Variants in CHODL observed in about 807,000 individuals in gnomAD.
CHODL encodes the protein transmembrane protein MT75.
CHODL carries 29 observed loss-of-function variants against 34.5 expected under a neutral mutation model. That is an observed-to-expected ratio of 0.84 (90% CI 0.63 to 1.15). The LOEUF (loss-of-function observed/expected upper bound fraction) is 1.15, where lower values mean the gene tolerates loss of function less well. CHODL is among the 50% of genes most tolerant of loss of function. The probability of loss-of-function intolerance (pLI) is 0.00; values close to 1 mark genes in which losing one functional copy is unlikely to be tolerated. For synonymous variants in CHODL, 125 were observed against 116.1 expected, an observed-to-expected ratio of 1.08 and a Z score of -0.49; for missense variants, 332 against 332.5, an observed-to-expected ratio of 1.00 and a Z score of 0.01.
At chr21:18,111,801 C>T (rs1335281713) in intron 2 of CHODL, among the ~76,000 whole-genome samples, 1 of 152,148 alleles carries the variant, frequency 6.6e-6, no homozygotes, top group African/African-American at 2.4e-5. Context: ...ACCAATATAT[C>T]TTAGCTTAGC....
At chr21:18,051,253 G>A (rs1838711) in intron 2 of CHODL, among the ~76,000 whole-genome samples, 95,402 of 151,674 alleles carry the variant, frequency 0.63, 31,060 homozygotes, top group African/African-American at 0.73. Flanking sequence ...TGCAAAGGAC[G>A]TGAACTCATC....
chr21:17,935,636 T>C (rs1315439113), intron 1 of CHODL, among the ~76,000 whole-genome samples: 1 of 152,242 alleles, frequency 6.6e-6, no homozygotes, highest in Non-Finnish European at 1.5e-5. Context: ...AAATTAGATA[T>C]ATAGATGACA....
intron 1 of CHODL, among the ~76,000 whole-genome samples, chr21:17,928,321 T>C (rs553196515): frequency 7.9e-4 from 120 of 152,258 alleles, no homozygotes; most frequent in Non-Finnish European, 1.2e-3. Context: ...ACAGTATAGA[T>C]CATTAATGCA....
chr21:17,920,316 A>G (rs1339885503), intron 1 of CHODL, among the ~76,000 whole-genome samples: 1 of 152,236 alleles, frequency 6.6e-6, no homozygotes, highest in African/African-American at 2.4e-5. Flanking sequence ...ACAGTTTCAC[A>G]TAGCTGGGGA....
At chr21:18,144,601 C>T (rs1172299244) in intron 2 of CHODL, among the ~76,000 whole-genome samples, 3 of 152,106 alleles carry the variant, frequency 2.0e-5, no homozygotes, top group Admixed American at 1.3e-4. Flanking sequence ...TTCCATCATA[C>T]GACAAGCTCT....
chr21:17,931,369 C>T (rs896926889), intron 1 of CHODL, among the ~76,000 whole-genome samples: 1 of 152,198 alleles, frequency 6.6e-6, no homozygotes, highest in African/African-American at 2.4e-5. Context: ...CGCTACTCAA[C>T]TTATACTATA....
intron 2 of CHODL, among the ~76,000 whole-genome samples, chr21:18,196,449 C>T (rs1601135153): frequency 6.6e-6 from 1 of 152,132 alleles, no homozygotes; most frequent in Non-Finnish European, 1.5e-5. Flanking sequence ...CAGTTTCCTA[C>T]AGCATTGCTA....
chr21:18,042,291 C>T (rs190447594), intron 2 of CHODL, among the ~76,000 whole-genome samples: 1 of 151,894 alleles, frequency 6.6e-6, no homozygotes, highest in Non-Finnish European at 1.5e-5. Flanking sequence ...CTCCCCACCC[C>T]CTTCTGCAAA....
intron 1 of CHODL, among the ~76,000 whole-genome samples, chr21:17,950,339 G>A (rs1490330420): frequency 6.6e-6 from 1 of 151,862 alleles, no homozygotes; most frequent in East Asian, 1.9e-4. Flanking sequence ...GTACAAAATA[G>A]ATGGAGATTA....
At chr21:17,966,661 A>G (rs1357807549) in intron 1 of CHODL, among the ~76,000 whole-genome samples, 1 of 152,194 alleles carries the variant, frequency 6.6e-6, no homozygotes, top group Non-Finnish European at 1.5e-5. Flanking sequence ...ATTGTCTTCC[A>G]GGATTTTCCC....
At chr21:18,158,835 T>C (rs867393069) in intron 2 of CHODL, among the ~76,000 whole-genome samples, 2 of 73,020 alleles carry the variant, frequency 2.7e-5, no homozygotes, top group Middle Eastern at 6.5e-3. Flanking sequence ...TGAAACTCCG[T>C]CTTAAAAAAA....
intron 2 of CHODL, among the ~76,000 whole-genome samples, chr21:18,063,042 G>C (rs2064688699): frequency 6.6e-6 from 1 of 152,176 alleles, no homozygotes; most frequent in African/African-American, 2.4e-5. Flanking sequence ...CTGGTTTGAT[G>C]AGTGTTCCAA....
chr21:18,248,733 A>ATATACATATATATG (rs2074185764), intron 1 of CHODL, among the ~76,000 whole-genome samples: 1 of 116,200 alleles, frequency 8.6e-6, no homozygotes, highest in Non-Finnish European at 1.7e-5. Context: ...TATGTATATA[A>ATATACATATATATG]TATATATGTA....
chr21:18,116,293 A>T (rs551216579), intron 2 of CHODL, among the ~76,000 whole-genome samples: 2 of 151,954 alleles, frequency 1.3e-5, no homozygotes, highest in Non-Finnish European at 2.9e-5. Flanking sequence ...TGCCCTTTAA[A>T]CTTATTTCTC....
At position 18,266,228 on chromosome 21, in the gene CHODL, A is replaced by G. The variant is rs1202233607; in HGVS notation, c.*190A>G. On this transcript the variant is annotated 3_prime_UTR_variant, in exon 6 of 6. Coordinates refer to ENST00000299295, the MANE Select transcript of CHODL (RefSeq NM_024944.3). ...CATTTAAAGAATATGCTGTGCTAAT[A>G]ATGGAGTGAGACATGCTTATTTTGC... 6.6e-6 allele frequency: 10 copies of G among 1,508,214 alleles called. No individual in the cohort carries two copies. The highest frequency in any genetic ancestry group is 8.0e-6 in the Non-Finnish European group (9 of 1,127,412). The allele number at this position is 1,508,214 out of a possible 1,614,324, so 93.4% of individuals were successfully genotyped here. A position where few individuals can be genotyped will look rare whatever the true frequency, so the allele number is the denominator to read the frequency against.
chr21:18,238,987 A>G (rs1191400768), intron 2 of CHODL, among the ~76,000 whole-genome samples: 1 of 152,158 alleles, frequency 6.6e-6, no homozygotes, highest in Non-Finnish European at 1.5e-5. Flanking sequence ...GAAAATTAAG[A>G]CTACCTTATG....
At chr21:18,187,229 C>G (rs889852686) in intron 2 of CHODL, among the ~76,000 whole-genome samples, 1 of 152,268 alleles carries the variant, frequency 6.6e-6, no homozygotes, top group South Asian at 2.1e-4. Flanking sequence ...TTTGTATACA[C>G]CCAGTGTTCT....
intron 2 of CHODL, among the ~76,000 whole-genome samples, chr21:18,089,048 T>C (rs927772844): frequency 6.6e-6 from 1 of 152,222 alleles, no homozygotes; most frequent in Non-Finnish European, 1.5e-5. Context: ...CAACTTTCCA[T>C]GGCCACCTTT....
Position 18,212,210 on chromosome 21 carries a change from C to T in CHODL, c.-44-44299C>T, listed in dbSNP as rs150645264. 6.7e-4 allele frequency among the ~76,000 whole-genome samples: 102 copies of T among 152,104 alleles called. No homozygotes were observed. In the East Asian group the frequency reaches 0.018, roughly 27 times the overall value. ...CAATCGATATCAGTCTGAATGTTAACGAATAGCATGACTTTTCCACTGCCC... is the reference window on the plus strand; with the variant it reads ...CAATCGATATCAGTCTGAATGTTAATGAATAGCATGACTTTTCCACTGCCC... On this transcript the variant is annotated intron_variant, in intron 2 of 6. Coordinates refer to the CHODL transcript ENST00000400127.
Sources: allele counts gnomAD v4.1 joint callset (sites outside exome capture counted in the v4.1 genomes callset), GRCh38; gene constraint gnomAD v4.1.1; transcripts MANE v1.5; gene names NCBI Gene and HGNC (gene_info 2026-07-23, HGNC 2026-07-21).